HERC2: variants seen among roughly 807,000 people sequenced by gnomAD.
The protein encoded by HERC2 is HECT and RLD domain containing E3 ubiquitin protein ligase 2, also known as E3 ubiquitin-protein ligase HERC2.
HERC2 carries 102 observed loss-of-function variants against 537.7 expected under a neutral mutation model. The ratio of observed to expected loss-of-function variants is 0.19; its 90% CI spans 0.16 to 0.22. The LOEUF (loss-of-function observed/expected upper bound fraction) is 0.22, where lower values mean the gene tolerates loss of function less well. Ranked by LOEUF, HERC2 falls within the 10% of genes least tolerant of loss-of-function variation. The probability of loss-of-function intolerance (pLI) is 1.00; values close to 1 mark genes in which losing one functional copy is unlikely to be tolerated. For missense variants in HERC2, 4,236 were observed against 6,198.2 expected, an observed-to-expected ratio of 0.68 and a Z score of 10.63; for synonymous variants, 2,224 against 2,466.2, an observed-to-expected ratio of 0.90 and a Z score of 2.91.
chr15:28,189,960 C>T (rs1050447386), intron 55 of HERC2, among the ~76,000 whole-genome samples: 2 of 151,720 alleles, frequency 1.3e-5, no homozygotes, highest in African/African-American at 4.8e-5. Flanking sequence ...AATTAGTCTA[C>T]ACCAGACAAC....
At chr15:28,276,427 A>G (rs2075876477) in intron 5 of HERC2, among the ~76,000 whole-genome samples, 1 of 152,128 alleles carries the variant, frequency 6.6e-6, no homozygotes, top group Non-Finnish European at 1.5e-5. Context: ...AAATACGAAC[A>G]TGACAAGACA....
intron 3 of HERC2, among the ~76,000 whole-genome samples, chr15:28,296,360 G>C (rs1021038058): frequency 6.6e-6 from 1 of 152,072 alleles, no homozygotes; most frequent in Non-Finnish European, 1.5e-5. Context: ...TGTAATCCTA[G>C]CTACTCAGGA....
At chr15:28,305,220 G>C (rs2076752531) in intron 2 of HERC2, among the ~76,000 whole-genome samples, 1 of 150,588 alleles carries the variant, frequency 6.6e-6, no homozygotes, top group East Asian at 1.9e-4. Flanking sequence ...TAGTCATTTG[G>C]GTATATACCC....
chr15:28,230,035 T>A (rs961499896), intron 31 of HERC2, among the ~76,000 whole-genome samples, 188 bp from the exon 32 acceptor site: 1 of 152,240 alleles, frequency 6.6e-6, no homozygotes, highest in African/African-American at 2.4e-5. Context: ...TACTAATATA[T>A]GTTGGAACAG....
chr15:28,315,691 C>G, intron 2 of HERC2: 2 of 795,226 alleles, frequency 2.5e-6, no homozygotes, highest in South Asian at 2.8e-5. Flanking sequence ...AACCTCTGCG[C>G]CATGAGAGCC....
In HERC2 at chr15:28,228,358, G is replaced by A. The variant is rs144395500; in HGVS notation, c.5324C>T (p.Pro1775Leu). ...QTITNENPSGPSLGTIPQARF... is the reference protein window; with the variant it reads ...QTITNENPSGLSLGTIPQARF... ...GGCTTGCGGGATGGTCCCCAGGCTC[G>A]GTCCTGACGGGTTCTCATTGGTGAT... The change falls in exon 35 of 93, where the codon CCG (proline) becomes CTG (leucine). Residue 1775 changes from proline (P) to leucine (L), a missense_variant. Pro to Leu is a moderately conservative substitution (Grantham distance 98). This residue lies in a region of HERC2 where 343 missense variants were observed against 417.2 expected (regional missense o/e 0.82). Transcript: ENST00000261609. 23 of 1,612,078 alleles carry A rather than the reference G, an allele frequency of 1.4e-5. No individual in the cohort carries two copies. Among genetic ancestry groups the A allele is most frequent in the African/African-American group, 8.0e-5 (6 of 74,976 alleles).
chr15:28,214,302 G>A, intron 40 of HERC2, 30 bp from the exon 41 acceptor site: 1 of 1,577,756 alleles, frequency 6.3e-7, no homozygotes, highest in Non-Finnish European at 8.7e-7. Flanking sequence ...AGAAGCTGCT[G>A]CACCGCTCTT....
At chr15:28,246,976 A>G in intron 21 of HERC2, 79 bp from the exon 22 acceptor site, 1 of 1,205,008 alleles carries the variant, frequency 8.3e-7, no homozygotes, top group African/African-American at 1.5e-5. Context: ...CCATGATGCT[A>G]TTCTCATCTA....
chr15:28,259,147 T>G (rs568535026), intron 16 of HERC2, among the ~76,000 whole-genome samples: 1 of 152,168 alleles, frequency 6.6e-6, no homozygotes, highest in Non-Finnish European at 1.5e-5. Context: ...CAAGCTGGAG[T>G]GCAATGGCGC....
chr15:28,218,647 A>C lies in HERC2; in HGVS notation c.5870T>G (p.Ile1957Ser). 6.3e-7 allele frequency: 1 copy of C among 1,587,678 alleles called. No homozygotes were observed. The highest frequency in any genetic ancestry group is 1.1e-5 in the South Asian group (1 of 90,902). The part of the protein sequence containing the change: ...DSEAEQTERN[I>S]HPTAMMFTST... ...GGTAAACATCATTGCAGTGGGGTGAATGTTCCTTTCAGTTTGTTCGGCTTC... is the reference window on the plus strand; with the variant it reads ...GGTAAACATCATTGCAGTGGGGTGACTGTTCCTTTCAGTTTGTTCGGCTTC... Residue 1957 changes from isoleucine to serine, a missense_variant, in exon 38 of 93, where the codon ATT (isoleucine) becomes AGT (serine). Ile to Ser is a moderately radical substitution (Grantham distance 142, BLOSUM62 -2). This residue lies in a region of HERC2 where 365 missense variants were observed against 468.8 expected (regional missense o/e 0.78). Coordinates refer to ENST00000261609, the MANE Select transcript of HERC2 (RefSeq NM_004667.6).
chr15:28,144,053 T>C (rs1361194362), intron 73 of HERC2, 24 bp downstream of exon 73: 3 of 1,614,086 alleles, frequency 1.9e-6, no homozygotes, highest in Non-Finnish European at 1.7e-6. Context: ...GGAAGACAGA[T>C]GTAACTGTAA....
In HERC2 at chr15:28,186,581, C is replaced by T. The variant is rs761019057; in HGVS notation, c.8821G>A (p.Gly2941Arg). The T allele has an allele frequency of 1.1e-5, 17 of 1,613,480 alleles. No homozygotes were observed. The highest frequency in any genetic ancestry group is 2.2e-5 in the East Asian group (1 of 44,866). Residue 2941 changes from glycine (G) to arginine (R), a missense_variant, in exon 56 of 93, where the codon GGA becomes AGA. Gly to Arg is a moderately radical substitution (Grantham distance 125, BLOSUM62 -2). This residue lies in a region of HERC2 where 606 missense variants were observed against 884.5 expected (regional missense o/e 0.69). Transcript: ENST00000261609. ...CCTGTAACAAATGGTTCTCACCTTC[C>T]GCTGTTGCCTTTCTCATCCTCCTCC... ...EEEEDEKGNSGSLIRKKAAGL... is the reference protein window; with the variant it reads ...EEEEDEKGNSRSLIRKKAAGL...
At chr15:28,134,658 T>C (rs1403271639) in intron 79 of HERC2, among the ~76,000 whole-genome samples, 2 of 152,050 alleles carry the variant, frequency 1.3e-5, no homozygotes, top group Non-Finnish European at 2.9e-5. Flanking sequence ...TACTCAGAGT[T>C]TTTATCAGAA....
intron 70 of HERC2, among the ~76,000 whole-genome samples, chr15:28,151,380 G>T (rs907416460): frequency 2.6e-5 from 4 of 152,086 alleles, no homozygotes; most frequent in Admixed American, 6.6e-5. Context: ...GAGGCAGGAG[G>T]ATCACTTGAG....
At chr15:28,271,569 T>C (rs1012635357) in intron 9 of HERC2, among the ~76,000 whole-genome samples, 8 of 151,810 alleles carry the variant, frequency 5.3e-5, no homozygotes, top group Non-Finnish European at 1.2e-4. Flanking sequence ...CTCGGGAGGC[T>C]GAGGCAGGAC....
At chr15:28,270,293 GATATATAATATATA>G (rs769991545) in intron 10 of HERC2, among the ~76,000 whole-genome samples, 17 of 150,838 alleles carry the variant, frequency 1.1e-4, no homozygotes, top group African/African-American at 4.1e-4. Flanking sequence ...ATGTAATATA[GATATATAATATATA>G]ATATATAACA....
At chr15:28,134,249 T>A (rs1043108018) in intron 79 of HERC2, among the ~76,000 whole-genome samples, 3 of 152,244 alleles carry the variant, frequency 2.0e-5, no homozygotes, top group African/African-American at 7.2e-5. Flanking sequence ...AGTGGTATTT[T>A]AAAATTTCAC....
intron 84 of HERC2, 97 bp from the exon 85 acceptor site, chr15:28,124,331 T>C (rs1273910285): frequency 2.6e-6 from 2 of 768,014 alleles, no homozygotes; most frequent in Non-Finnish European, 3.8e-6. Flanking sequence ...TTGTTTCAAA[T>C]ACAGAGAAGC....
chr15:28,136,945 A>G (rs1455729195), intron 78 of HERC2, among the ~76,000 whole-genome samples: 2 of 152,214 alleles, frequency 1.3e-5, no homozygotes, highest in Non-Finnish European at 2.9e-5. Flanking sequence ...GATCTGAGAC[A>G]TAACAAATGA....
Sources: allele counts gnomAD v4.1 joint callset (sites outside exome capture counted in the v4.1 genomes callset), GRCh38; gene constraint gnomAD v4.1.1; regional missense constraint gnomAD v4.1.1; transcripts MANE v1.5; gene names NCBI Gene and HGNC (gene_info 2026-07-23, HGNC 2026-07-21).